Variants in MARK3 observed in about 807,000 individuals in gnomAD.
The protein encoded by MARK3 is MAP/microtubule affinity-regulating kinase 3.
Under a neutral mutation model 90.1 loss-of-function variants are expected in MARK3, and 46 were observed. The ratio of observed to expected loss-of-function variants is 0.51; its 90% CI spans 0.40 to 0.65. The LOEUF (loss-of-function observed/expected upper bound fraction) is 0.65, where lower values mean the gene tolerates loss of function less well. MARK3 is among the 30% of genes least tolerant of loss of function. The pLI, the probability that MARK3 is intolerant of heterozygous loss-of-function variation, is 0.00. For missense variants in MARK3, 818 were observed against 947.2 expected (o/e 0.86, Z 1.79); for synonymous variants, 321 against 332.6 (o/e 0.97, Z 0.38).
At chr14:103,447,651 A>G (rs2093029757) in intron 3 of MARK3, among the ~76,000 whole-genome samples, 1 of 152,212 alleles carries the variant, frequency 6.6e-6, no homozygotes, top group Non-Finnish European at 1.5e-5. Flanking sequence ...TCTGGGTTAT[A>G]TTAACCCAGG....
chr14:103,492,400 C>T (rs961229372), intron 15 of MARK3, among the ~76,000 whole-genome samples: 4 of 152,018 alleles, frequency 2.6e-5, no homozygotes, highest in Admixed American at 2.6e-4. Flanking sequence ...CAGGAAAGAC[C>T]ATGCATGTCT....
chr14:103,445,259 G>A (rs1022642962), intron 3 of MARK3, among the ~76,000 whole-genome samples: 8 of 152,170 alleles, frequency 5.3e-5, no homozygotes, highest in African/African-American at 1.7e-4. Flanking sequence ...ATACTCAGCT[G>A]ATAGAGTTGT....
intron 17 of MARK3, among the ~76,000 whole-genome samples, chr14:103,500,660 C>T (rs1050662895): frequency 1.3e-5 from 2 of 151,088 alleles, no homozygotes; most frequent in African/African-American, 4.9e-5. Context: ...GACACGGTGT[C>T]GCTCTGTCAC....
intron 15 of MARK3, among the ~76,000 whole-genome samples, chr14:103,494,544 CA>C (rs35133138): frequency 0.51 from 42,254 of 82,758 alleles, 6,893 homozygotes; most frequent in East Asian, 0.68. Context: ...AACTCTGTCT[CA>C]AAAAAAAAAA....
At chr14:103,497,174 C>T (rs1355617669) in intron 15 of MARK3, among the ~76,000 whole-genome samples, 1 of 152,146 alleles carries the variant, frequency 6.6e-6, no homozygotes, top group Non-Finnish European at 1.5e-5. Flanking sequence ...TAAAGATTTT[C>T]ACATGCATGA....
chr14:103,443,358 C>T (rs918395235), intron 3 of MARK3, among the ~76,000 whole-genome samples: 1 of 152,136 alleles, frequency 6.6e-6, no homozygotes, highest in Non-Finnish European at 1.5e-5. Flanking sequence ...AGAAACAATG[C>T]TATTGAAATA....
intron 2 of MARK3, chr14:103,412,307 A>G (rs2091689442): frequency 1.6e-6 from 1 of 635,402 alleles, no homozygotes; most frequent in Non-Finnish European, 2.8e-6. Context: ...ATGAAACTTG[A>G]TTGTGGACTT....
intron 7 of MARK3, among the ~76,000 whole-genome samples, chr14:103,462,889 C>T (rs1333374233): frequency 1.3e-5 from 2 of 152,276 alleles, no homozygotes; most frequent in African/African-American, 4.8e-5. Flanking sequence ...GGTTTCGTAT[C>T]GCACAGAGAA....
At chr14:103,488,415 A>G (rs1414887857) in intron 14 of MARK3, among the ~76,000 whole-genome samples, 1 of 152,182 alleles carries the variant, frequency 6.6e-6, no homozygotes, top group Non-Finnish European at 1.5e-5. Context: ...AAATCTCATT[A>G]TTGTTGCTGC....
chr14:103,502,823 A>G (rs1239175225), intron 17 of MARK3, 59 bp from the exon 18 acceptor site: 2 of 1,361,442 alleles, frequency 1.5e-6, no homozygotes, highest in African/African-American at 2.9e-5. Context: ...AACTAGCTGA[A>G]GTGTAAGAGG....
At chr14:103,421,571 GGTCTTTA>G (rs2092223679) in intron 2 of MARK3, among the ~76,000 whole-genome samples, 1 of 152,116 alleles carries the variant, frequency 6.6e-6, no homozygotes, top group South Asian at 2.1e-4. Context: ...GAGGAACGTC[GGTCTTTA>G]CACTGGGACA....
At chr14:103,398,468 C>A (rs1466512105) in intron 1 of MARK3, among the ~76,000 whole-genome samples, 1 of 151,930 alleles carries the variant, frequency 6.6e-6, no homozygotes, top group Non-Finnish European at 1.5e-5. Context: ...TTGTTTTTTG[C>A]GGGGGTTGGT....
chr14:103,457,487 A>G (rs2093301623), intron 6 of MARK3, among the ~76,000 whole-genome samples: 1 of 152,196 alleles, frequency 6.6e-6, no homozygotes, highest in Non-Finnish European at 1.5e-5. Flanking sequence ...AGAGCCTTTC[A>G]AAAACACCTG....
chr14:103,449,396 C>T (rs1226720550), intron 4 of MARK3, among the ~76,000 whole-genome samples: 2 of 125,904 alleles, frequency 1.6e-5, no homozygotes, highest in East Asian at 4.4e-4. Flanking sequence ...AGCAACAGAG[C>T]GAGACCCCGT....
chr14:103,406,093 AC>A (rs1242730004), intron 2 of MARK3, among the ~76,000 whole-genome samples: 1 of 151,392 alleles, frequency 6.6e-6, no homozygotes, highest in Non-Finnish European at 1.5e-5. Context: ...CAGGGTTCTC[AC>A]CGTGTTGCCC....
chr14:103,459,308 A>T (rs760892866), intron 6 of MARK3, among the ~76,000 whole-genome samples: 1 of 152,180 alleles, frequency 6.6e-6, no homozygotes, highest in Non-Finnish European at 1.5e-5. Context: ...TGAAGCCTTT[A>T]TTTGAGGAGC....
At chr14:103,492,468 G>A (rs1221524113) in intron 15 of MARK3, among the ~76,000 whole-genome samples, 1 of 152,032 alleles carries the variant, frequency 6.6e-6, no homozygotes, top group East Asian at 1.9e-4. Context: ...TCACTTTATT[G>A]TTGTTAAGGA....
intron 15 of MARK3, among the ~76,000 whole-genome samples, chr14:103,497,802 T>G (rs2075429084): frequency 6.6e-6 from 1 of 152,232 alleles, no homozygotes; most frequent in Admixed American, 6.5e-5. Flanking sequence ...TTTTTAATGT[T>G]TATGTAATAA....
At chr14:103,492,498 T>C (rs2094034220) in intron 15 of MARK3, among the ~76,000 whole-genome samples, 1 of 152,112 alleles carries the variant, frequency 6.6e-6, no homozygotes, top group South Asian at 2.1e-4. Context: ...TTCTTAAGAG[T>C]CCAAATCTTG....
Sources: allele counts gnomAD v4.1 joint callset (sites outside exome capture counted in the v4.1 genomes callset), GRCh38; gene constraint gnomAD v4.1.1; transcripts MANE v1.5; gene names NCBI Gene and HGNC (gene_info 2026-07-23, HGNC 2026-07-21).